The following ZNF84 variants were observed in gnomAD, a reference collection of about 807,000 sequenced individuals.
The protein encoded by ZNF84 is zinc finger protein 84.
In ZNF84, 12 loss-of-function variants were observed where a neutral mutation model predicts 14.8. That is an observed-to-expected ratio of 0.81 (90% CI 0.52 to 1.31). ZNF84 has a LOEUF of 1.31. Among genes scored for constraint, ZNF84 ranks in the 50% most tolerant of loss-of-function variants. The probability of loss-of-function intolerance (pLI) is 0.00; values close to 1 mark genes in which losing one functional copy is unlikely to be tolerated. For synonymous variants in ZNF84, 347 were observed against 291.1 expected, an observed-to-expected ratio of 1.19 and a Z score of -1.96; for missense variants, 859 against 878.6, an observed-to-expected ratio of 0.98 and a Z score of 0.28.
rs1164520355 is a variant in ZNF84 at position 133,052,242 on chromosome 12, TC to T, written c.238+3396del. ...GATCTTTTTCTGGGGAGGGCTGTCT[TC>T]CTGCCTTGTGGACAGCCACCCTCTC... On this transcript the variant is annotated intron_variant, in intron 4 of 4. Coordinates refer to ENST00000539354, the MANE Select transcript of ZNF84 (RefSeq NM_001289971.2). Among the ~76,000 whole-genome samples the T allele has an allele frequency of 3.3e-5, 5 of 152,328 alleles. No homozygotes were observed. The East Asian group carries it at 9.7e-4, about 29-fold the overall frequency.
chr12:133,047,826 G>C (rs1954007901), intron 2 of ZNF84, 129 bp from the exon 3 acceptor site: 1 of 951,450 alleles, frequency 1.1e-6, no homozygotes, highest in Non-Finnish European at 1.6e-6. Flanking sequence ...CACAAAATAT[G>C]CAAAGGTAGA....
chr12:133,052,624 T>C (rs1224503125), intron 4 of ZNF84, among the ~76,000 whole-genome samples: 1 of 152,226 alleles, frequency 6.6e-6, no homozygotes, highest in Non-Finnish European at 1.5e-5. Flanking sequence ...CGTGGGCCAG[T>C]GTGCCTGGCC....
chr12:133,044,009 G>A (rs1221347097), intron 2 of ZNF84, among the ~76,000 whole-genome samples: 9 of 150,782 alleles, frequency 6.0e-5, no homozygotes, highest in African/African-American at 1.2e-4. Flanking sequence ...TGATCCACCC[G>A]CCTCGGCCTC....
chr12:133,037,750 G>C (rs913757379), intron 1 of ZNF84: 3 of 152,334 alleles, frequency 2.0e-5, no homozygotes, highest in Non-Finnish European at 4.4e-5. Flanking sequence ...TGTGGGGCGG[G>C]CACGGCCTTT....
In ZNF84 at chr12:133,046,347, G is replaced by GGTTTGTTTTTTTTTT. The variant is rs1953976790; in HGVS notation, c.16-1608_16-1607insGTTTGTTTTTTTTTT. Among the ~76,000 whole-genome samples the GGTTTGTTTTTTTTTT allele has an allele frequency of 1.7e-5, 2 of 116,406 alleles. 1 individual carries two copies. The highest frequency in any genetic ancestry group is 3.4e-5 in the Non-Finnish European group (2 of 58,238). 76.4% of individuals were successfully genotyped at this position (116,406 alleles called of 152,430 possible). A position where few individuals can be genotyped will look rare whatever the true frequency, so the allele number is the denominator to read the frequency against. On this transcript the variant is annotated intron_variant, in intron 2 of 4. Transcript: ENST00000539354. ...TTTTTGTATCTCTTCAGTCCTCACA[G>GGTTTGTTTTTTTTTT]TTTTTTTTTTTTTTTTTTTTTTTTT...
intron 4 of ZNF84, among the ~76,000 whole-genome samples, chr12:133,052,614 C>T (rs764646435): frequency 3.3e-5 from 5 of 152,338 alleles, no homozygotes; most frequent in Middle Eastern, 6.8e-3. Context: ...AGATTACAGA[C>T]GTGGGCCAGT....
Position 133,061,268 on chromosome 12 carries a change from G to A in ZNF84, c.*2336G>A, listed in dbSNP as rs1954259388. 1 of 152,128 alleles carries A rather than the reference G, an allele frequency of 6.6e-6. No individual in the cohort carries two copies. Among genetic ancestry groups the A allele is most frequent in the African/African-American group, 2.4e-5 (1 of 41,440 alleles). 9.4% of individuals were successfully genotyped at this position (152,128 alleles called of 1,614,324 possible). On this transcript the variant is annotated 3_prime_UTR_variant, in exon 5 of 5. Transcript: ENST00000539354. ...AGTGGAGACCTCAAGTGGATCACTT[G>A]AGGTCAGGAGTTGAAGACCAGCATG...
chr12:133,058,950 G>A lies in ZNF84; in HGVS notation c.*18G>A. 1 of 1,552,124 alleles carries A rather than the reference G, an allele frequency of 6.4e-7. No homozygotes were observed. Among genetic ancestry groups the A allele is most frequent in the Non-Finnish European group, 8.7e-7 (1 of 1,155,268 alleles). On this transcript the variant is annotated 3_prime_UTR_variant, in exon 5 of 5. Coordinates refer to ENST00000539354, the MANE Select transcript of ZNF84 (RefSeq NM_001289971.2). ...AATCCTAGGAATACAGTTAATAGTA[G>A]TCTTTGACAGATCATCTTGGACTTC... is the stretch of plus-strand genomic sequence containing the variant.
At chr12:133,049,392 T>C (rs1212104644) in intron 4 of ZNF84, among the ~76,000 whole-genome samples, 1 of 152,228 alleles carries the variant, frequency 6.6e-6, no homozygotes, top group Non-Finnish European at 1.5e-5. Context: ...TCTCCCAATT[T>C]ATCCTTATCC....
chr12:133,053,690 C>T (rs1430449633), intron 4 of ZNF84, among the ~76,000 whole-genome samples: 2 of 152,124 alleles, frequency 1.3e-5, no homozygotes, highest in Non-Finnish European at 2.9e-5. Context: ...CTGCAGTGAG[C>T]TATAATTGCA....
chr12:133,041,337 G>A lies in ZNF84; in HGVS notation c.-131G>A. The A allele has an allele frequency of 1.1e-6, 1 of 874,706 alleles. No individual in the cohort carries two copies. 54.2% of individuals were successfully genotyped at this position (874,706 alleles called of 1,614,324 possible). ...CATGTGAGATAAGAAAGGAGTTCCTGGAACCAGGAATTCATTCTCAGTGTA... is the reference window on the plus strand; with the variant it reads ...CATGTGAGATAAGAAAGGAGTTCCTAGAACCAGGAATTCATTCTCAGTGTA... On this transcript the variant is annotated 5_prime_UTR_variant, in exon 2 of 5. Coordinates refer to ENST00000539354, the MANE Select transcript of ZNF84 (RefSeq NM_001289971.2).
Position 133,059,106 on chromosome 12 carries a change from A to G in ZNF84, c.*174A>G, listed in dbSNP as rs942961656. ...ATAATTCATAGAGTAGAGTGAACCT[A>G]TGACTGCAGTGGATCTCAAAAACTT... On this transcript the variant is annotated 3_prime_UTR_variant, in exon 5 of 5. Transcript: ENST00000539354. 26 of 637,160 alleles carry G rather than the reference A, an allele frequency of 4.1e-5. No individual in the cohort carries two copies. Among genetic ancestry groups the G allele is most frequent in the African/African-American group, 3.9e-4 (21 of 54,486 alleles). The allele number at this position is 637,160 out of a possible 1,614,324, so 39.5% of individuals were successfully genotyped here. A position where few individuals can be genotyped will look rare whatever the true frequency, so the allele number is the denominator to read the frequency against.
In ZNF84 at chr12:133,058,763, A is replaced by G. The variant is rs1264877138; in HGVS notation, c.2048A>G (p.Tyr683Cys). ...HQRTHTGEKP[Y>C]GCSECRKAFS... The stretch of plus-strand genomic sequence containing the variant: ...AGGACACATACGGGTGAGAAACCCT[A>G]TGGATGCAGTGAATGTAGGAAGGCC... Residue 683 changes from tyrosine (Y) to cysteine (C), a missense_variant, in exon 5 of 5, where the codon TAT becomes TGT. Tyr to Cys is a radical substitution (Grantham distance 194, BLOSUM62 -2). Transcript: ENST00000539354. The G allele has an allele frequency of 3.1e-6, 5 of 1,613,976 alleles. No individual in the cohort carries two copies. The South Asian group carries it at 3.3e-5, about 11-fold the overall frequency.
intron 4 of ZNF84, among the ~76,000 whole-genome samples, chr12:133,052,011 G>T (rs1954077735): frequency 6.6e-6 from 1 of 152,156 alleles, no homozygotes; most frequent in African/African-American, 2.4e-5. Flanking sequence ...GTGTTTACTT[G>T]CTGGAGGACA....
chr12:133,053,448 G>A (rs1954104021), intron 4 of ZNF84, among the ~76,000 whole-genome samples: 6 of 152,064 alleles, frequency 3.9e-5, no homozygotes, highest in Admixed American at 3.9e-4. Flanking sequence ...TAATATATTA[G>A]GCCTAACAGT....
rs1201423235 is a variant in ZNF84 at position 133,060,253 on chromosome 12, G to A, written c.*1321G>A. The A allele has an allele frequency of 3.9e-5, 6 of 152,012 alleles. No homozygotes were observed. The highest frequency in any genetic ancestry group is 7.3e-5 in the African/African-American group (3 of 41,368). The allele number at this position is 152,012 out of a possible 1,614,324, so 9.4% of individuals were successfully genotyped here. ...ATAAAATATCTTGTAAAAATTAGAT[G>A]GATAAATGAATTATTAAAAAATCAC... is the stretch of plus-strand genomic sequence containing the variant. On this transcript the variant is annotated 3_prime_UTR_variant, in exon 5 of 5. Coordinates refer to ENST00000539354, the MANE Select transcript of ZNF84 (RefSeq NM_001289971.2).
intron 3 of ZNF84, 28 bp from the exon 4 acceptor site, chr12:133,048,725 A>C: frequency 1.9e-5 from 30 of 1,576,050 alleles, no homozygotes; most frequent in Non-Finnish European, 2.4e-5. Context: ...AGTTGGGCCC[A>C]AGGCCTTTGT....
In ZNF84 at chr12:133,063,255, T is replaced by C. The variant is rs1282303889; in HGVS notation, c.*4323T>C. The C allele has an allele frequency of 4.3e-6, 3 of 702,260 alleles. No homozygotes were observed. The highest frequency in any genetic ancestry group is 1.5e-5 in the South Asian group (1 of 67,584). 43.5% of individuals were successfully genotyped at this position (702,260 alleles called of 1,614,324 possible). A position where few individuals can be genotyped will look rare whatever the true frequency, so the allele number is the denominator to read the frequency against. ...TCATGTCTTGATTGTTGAATTCTTC[T>C]GTGAGATACTCCAAATATCCTAATA... On this transcript the variant is annotated 3_prime_UTR_variant, in exon 5 of 5. Coordinates refer to ENST00000539354, the MANE Select transcript of ZNF84 (RefSeq NM_001289971.2).
At chr12:133,048,956 G>T (rs1455486094) in intron 4 of ZNF84, 108 bp downstream of exon 4, 2 of 837,718 alleles carry the variant, frequency 2.4e-6, no homozygotes, top group East Asian at 5.5e-5. Flanking sequence ...TGATGGGTTG[G>T]CTGGTCAGTG....
Sources: gnomAD v4.1 joint callset for allele counts (sites outside exome capture counted in the v4.1 genomes callset) on GRCh38, gnomAD v4.1.1 for gene constraint, MANE v1.5 for transcripts, NCBI Gene and HGNC (gene_info 2026-07-23, HGNC 2026-07-21) for gene names.